The following SPAG16 variants were observed in gnomAD, a reference collection of about 807,000 sequenced individuals.
SPAG16 encodes the protein sperm associated antigen 16, also known as sperm-associated antigen 16 protein.
In SPAG16, 86 loss-of-function variants were observed where a neutral mutation model predicts 80.4. The ratio of observed to expected loss-of-function variants is 1.07; its 90% CI spans 0.90 to 1.28. SPAG16 has a LOEUF of 1.28. SPAG16 is among the 50% of genes most tolerant of loss of function. SPAG16 has a pLI of 0.00. For missense variants in SPAG16, 870 were observed against 765.3 expected, an observed-to-expected ratio of 1.14 and a Z score of -1.61; for synonymous variants, 294 against 265.9, an observed-to-expected ratio of 1.11 and a Z score of -1.03.
At chr2:213,963,011 T>C (rs2044529618) in intron 12 of SPAG16, among the ~76,000 whole-genome samples, 1 of 152,068 alleles carries the variant, frequency 6.6e-6, no homozygotes, top group Non-Finnish European at 1.5e-5. Context: ...TGATTTTTTC[T>C]ATTGTTTTTA....
At chr2:213,459,035 G>T (rs1389065435) in intron 9 of SPAG16, among the ~76,000 whole-genome samples, 1 of 152,054 alleles carries the variant, frequency 6.6e-6, no homozygotes, top group Non-Finnish European at 1.5e-5. Context: ...TTTCCAACCT[G>T]GGAGTCCAAT....
At chr2:213,933,796 T>G (rs762514107) in intron 12 of SPAG16, among the ~76,000 whole-genome samples, 40 of 152,232 alleles carry the variant, frequency 2.6e-4, no homozygotes, top group Non-Finnish European at 5.0e-4. Flanking sequence ...AAAGAAGGTT[T>G]AAGAACTGTG....
intron 15 of SPAG16, among the ~76,000 whole-genome samples, chr2:214,357,888 C>T (rs1451230734): frequency 2.6e-5 from 4 of 151,852 alleles, no homozygotes; most frequent in Admixed American, 6.6e-5. Context: ...AAATGTCAAA[C>T]TATTAGAGTC....
At chr2:213,495,192 T>C (rs746673402) in intron 10 of SPAG16, among the ~76,000 whole-genome samples, 1 of 152,226 alleles carries the variant, frequency 6.6e-6, no homozygotes, top group Non-Finnish European at 1.5e-5. Context: ...CAGTTTGGAA[T>C]TGAACTTGGG....
At chr2:213,567,571 T>A (rs2125999704) in intron 10 of SPAG16, among the ~76,000 whole-genome samples, 1 of 105,990 alleles carries the variant, frequency 9.4e-6, no homozygotes, top group East Asian at 2.5e-4. Flanking sequence ...CTCATCATTT[T>A]TTATGGCTGC....
At chr2:213,987,936 G>A (rs1216939508) in intron 12 of SPAG16, among the ~76,000 whole-genome samples, 1 of 150,348 alleles carries the variant, frequency 6.7e-6, no homozygotes, top group African/African-American at 2.4e-5. Flanking sequence ...AATGTAATTA[G>A]AGTGCGTTAT....
intron 10 of SPAG16, among the ~76,000 whole-genome samples, chr2:213,500,216 G>A (rs1332700004): frequency 6.6e-6 from 1 of 152,150 alleles, no homozygotes; most frequent in Non-Finnish European, 1.5e-5. Flanking sequence ...AGTATATTGT[G>A]TATTCTGGAT....
chr2:213,521,308 T>G (rs2075655180), intron 10 of SPAG16, among the ~76,000 whole-genome samples: 1 of 152,218 alleles, frequency 6.6e-6, no homozygotes, highest in African/African-American at 2.4e-5. Context: ...AATTCAAAGA[T>G]CCAGGTGTGG....
chr2:213,310,352 AC>A (rs2063134502), intron 4 of SPAG16, among the ~76,000 whole-genome samples, 175 bp downstream of exon 4: 7 of 150,726 alleles, frequency 4.6e-5, no homozygotes, highest in African/African-American at 7.3e-5. Context: ...ACACACACAC[AC>A]ACACACACAC....
chr2:213,849,517 AC>A (rs2074799954), intron 10 of SPAG16, among the ~76,000 whole-genome samples: 1 of 152,244 alleles, frequency 6.6e-6, no homozygotes, highest in Non-Finnish European at 1.5e-5. Flanking sequence ...TAAAATAGAT[AC>A]AAAAAAGTCA....
intron 10 of SPAG16, among the ~76,000 whole-genome samples, chr2:213,537,557 A>G (rs2076293867): frequency 6.6e-6 from 1 of 152,042 alleles, no homozygotes; most frequent in African/African-American, 2.4e-5. Flanking sequence ...CTTGGAGAGT[A>G]ATAGGGAGCA....
chr2:214,401,510 TATAAA>T (rs758723644), intron 15 of SPAG16, among the ~76,000 whole-genome samples: 9 of 151,950 alleles, frequency 5.9e-5, no homozygotes, highest in Non-Finnish European at 1.0e-4. Flanking sequence ...TTGAATAAAA[TATAAA>T]ATGAGTATTT....
intron 14 of SPAG16, among the ~76,000 whole-genome samples, chr2:214,146,156 A>G (rs1420214973): frequency 6.6e-6 from 1 of 152,204 alleles, no homozygotes; most frequent in African/African-American, 2.4e-5. Context: ...GCCTTAAACT[A>G]TAGCTTGACT....
At chr2:213,588,969 G>A (rs1046176504) in intron 10 of SPAG16, among the ~76,000 whole-genome samples, 5 of 151,744 alleles carry the variant, frequency 3.3e-5, no homozygotes, top group African/African-American at 4.8e-5. Context: ...AAATTTAAAC[G>A]ATAATCTGAT....
chr2:213,668,279 G>A (rs932413874), intron 10 of SPAG16, among the ~76,000 whole-genome samples: 1 of 149,390 alleles, frequency 6.7e-6, no homozygotes, highest in Non-Finnish European at 1.5e-5. Flanking sequence ...CCTATGTTTA[G>A]ATAATTTTTC....
chr2:213,914,163 A>C (rs960851566), intron 11 of SPAG16, among the ~76,000 whole-genome samples: 26 of 152,186 alleles, frequency 1.7e-4, no homozygotes, highest in African/African-American at 6.3e-4. Context: ...TTAGGGGCTT[A>C]TATCTATTGA....
intron 10 of SPAG16, among the ~76,000 whole-genome samples, chr2:213,723,964 T>A (rs937328210): frequency 6.6e-6 from 1 of 152,198 alleles, no homozygotes; most frequent in African/African-American, 2.4e-5. Context: ...CTTTGGCATG[T>A]CTCTTGGTCA....
intron 10 of SPAG16, among the ~76,000 whole-genome samples, chr2:213,780,874 A>ATAC (rs1243340558): frequency 2.0e-5 from 3 of 152,126 alleles, no homozygotes; most frequent in Admixed American, 1.3e-4. Context: ...CATAATAATA[A>ATAC]AGGGTGGTTT....
At chr2:214,256,566 A>G (rs1260604548) in intron 15 of SPAG16, among the ~76,000 whole-genome samples, 1 of 98,254 alleles carries the variant, frequency 1.0e-5, no homozygotes, top group Non-Finnish European at 2.4e-5. Context: ...TGTATGTTAT[A>G]AATCTGGGCG....
Sources: gnomAD v4.1 joint callset for allele counts (sites outside exome capture counted in the v4.1 genomes callset) on GRCh38, gnomAD v4.1.1 for gene constraint, MANE v1.5 for transcripts, NCBI Gene and HGNC (gene_info 2026-07-23, HGNC 2026-07-21) for gene names.